SULT1E1: variants seen among roughly 807,000 people sequenced by gnomAD.
The protein encoded by SULT1E1 is sulfotransferase 1E1.
A neutral mutation model predicts 33.6 loss-of-function variants in SULT1E1; 36 were observed. That is an observed-to-expected ratio of 1.07 (90% CI 0.82 to 1.41). The LOEUF (loss-of-function observed/expected upper bound fraction) is 1.41. Ranked by LOEUF, SULT1E1 falls within the 40% of genes most tolerant of loss-of-function variation. SULT1E1 has a pLI of 0.00. For missense variants in SULT1E1, 371 were observed against 345.7 expected, an observed-to-expected ratio of 1.07 and a Z score of -0.58; for synonymous variants, 121 against 111.7, an observed-to-expected ratio of 1.08 and a Z score of -0.53.
chr4:69,841,854 AAAAGTTAAAC>A lies in SULT1E1; in HGVS notation c.*130_*139del. On this transcript the variant is annotated 3_prime_UTR_variant, in exon 8 of 8. Coordinates refer to ENST00000226444, the MANE Select transcript of SULT1E1 (RefSeq NM_005420.3). ...AGACTCTGTCTCAAAAAAAAAAAAAAAAAGTTAAACAAAAATTTAAAAAGAAAATGTCAAC... is the reference window on the plus strand; with the variant it reads ...AGACTCTGTCTCAAAAAAAAAAAAAAAAAAATTTAAAAAGAAAATGTCAAC... 7.3e-6 allele frequency: 4 copies of A among 548,888 alleles called. No homozygotes were observed. Among genetic ancestry groups the A allele is most frequent in the Admixed American group, 3.8e-5 (1 of 26,642 alleles). The allele number at this position is 548,888 out of a possible 1,614,324, so 34.0% of individuals were successfully genotyped here. A position where few individuals can be genotyped will look rare whatever the true frequency, so the allele number is the denominator to read the frequency against.
chr4:69,847,251 T>C (rs1009901124), intron 6 of SULT1E1, among the ~76,000 whole-genome samples: 1 of 151,696 alleles, frequency 6.6e-6, no homozygotes, highest in Non-Finnish European at 1.5e-5. Flanking sequence ...TTTTAATAGT[T>C]TTTGTTTCTT....
chr4:69,853,311 T>G (rs188430626), intron 4 of SULT1E1, among the ~76,000 whole-genome samples: 2 of 152,260 alleles, frequency 1.3e-5, no homozygotes, highest in African/African-American at 2.4e-5. Context: ...AAACTGACAG[T>G]GTAAACCGTC....
At chr4:69,838,460 C>T (rs920892808), downstream of SULT1E1, 2 of 152,088 alleles carry the variant, frequency 1.3e-5, no homozygotes, top group East Asian at 1.9e-4. Flanking sequence ...GAGATGTGGA[C>T]CAGAACCTTT....
At chr4:69,832,963 C>G in the SULT1E1 span, among the ~76,000 whole-genome samples, 1 of 152,192 alleles carries the variant, frequency 6.6e-6, no homozygotes, top group Non-Finnish European at 1.5e-5. Context: ...GGGCACATCC[C>G]TTTGAGCTCT....
intron 4 of SULT1E1, among the ~76,000 whole-genome samples, chr4:69,852,829 G>A (rs575893447): frequency 2.9e-4 from 44 of 152,158 alleles, no homozygotes; most frequent in African/African-American, 9.9e-4. Flanking sequence ...ATAAATGTCT[G>A]GTACCTGTTT....
the SULT1E1 span, among the ~76,000 whole-genome samples, chr4:69,826,119 A>G: frequency 1.3e-5 from 2 of 152,114 alleles, no homozygotes; most frequent in East Asian, 1.9e-4. Context: ...CAGAAACTGT[A>G]TTCTTCCTAT....
chr4:69,836,684 A>T (rs902962292), downstream of SULT1E1, among the ~76,000 whole-genome samples: 5 of 152,186 alleles, frequency 3.3e-5, no homozygotes, highest in African/African-American at 7.2e-5. Context: ...TAAATGAAAC[A>T]TATTTCAAAA....
Position 69,841,675 on chromosome 4 carries a change from A to C in SULT1E1, c.*319T>G, listed in dbSNP as rs1720887939. The C allele has an allele frequency of 3.8e-5, 7 of 183,000 alleles. No individual in the cohort carries two copies. The South Asian group carries it at 8.0e-4, about 21-fold the overall frequency. 11.3% of individuals were successfully genotyped at this position (183,000 alleles called of 1,614,324 possible). ...AATATAATAAGACCTCATCTCTACA[A>C]AAAAACATTAAAAAAATTAGCCAAA... is the stretch of plus-strand genomic sequence containing the variant. On this transcript the variant is annotated 3_prime_UTR_variant, in exon 8 of 8. Transcript: ENST00000226444.
chr4:69,847,712 C>A lies in SULT1E1; in HGVS notation c.577G>T (p.Glu193Ter). 6.2e-7 allele frequency: 1 copy of A among 1,601,908 alleles called. No homozygotes were observed. Among genetic ancestry groups the A allele is most frequent in the Non-Finnish European group, 8.5e-7 (1 of 1,173,186 alleles). Residue 193 changes from glutamate (E) to a stop codon, truncating the protein, a stop_gained, in exon 6 of 8, where the codon GAA (glutamate) becomes TAA (stop). Coordinates refer to ENST00000226444, the MANE Select transcript of SULT1E1 (RefSeq NM_005420.3). LOFTEE classifies it high-confidence loss of function. ...KSPRVLFLFY[E>*]DLKEDIRKEV... Reference sequence around the variant, plus strand: ...CAGTTCCTCACCTCTTTCAGGTCTTCGTAGAAAAGAAATAGTACACGTGGA... The same window carrying A: ...CAGTTCCTCACCTCTTTCAGGTCTTAGTAGAAAAGAAATAGTACACGTGGA...
At chr4:69,836,397 G>A (rs1382264652), downstream of SULT1E1, among the ~76,000 whole-genome samples, 2 of 152,154 alleles carry the variant, frequency 1.3e-5, no homozygotes, top group Non-Finnish European at 2.9e-5. Context: ...GACATTCTAA[G>A]GTTAAATACA....
At chr4:69,847,865 A>G in intron 5 of SULT1E1, 73 bp from the exon 6 acceptor site, 1 of 797,714 alleles carries the variant, frequency 1.3e-6, no homozygotes, top group Non-Finnish European at 2.1e-6. Context: ...TGTTCAAGCA[A>G]CAATAACAAC....
chr4:69,849,012 T>G (rs1422888996), intron 5 of SULT1E1: 1 of 152,816 alleles, frequency 6.5e-6, no homozygotes, highest in African/African-American at 2.4e-5. Flanking sequence ...CATATTCATA[T>G]AGAACCTGGC....
rs1578107632 is a variant in SULT1E1 at position 69,857,602 on chromosome 4, G to A, written c.43C>T (p.His15Tyr). ...AAATCTTTATACATTAGAATCCCATGGACTTCTTCAAACTTTTCATAATAG... is the reference window on the plus strand; with the variant it reads ...AAATCTTTATACATTAGAATCCCATAGACTTCTTCAAACTTTTCATAATAG... ...LDYYEKFEEV[H>Y]GILMYKDFVK... The change falls in exon 2 of 8, where the codon CAT becomes TAT. Residue 15 changes from histidine (H) to tyrosine (Y), a missense_variant. Transcript: ENST00000226444. 1 of 1,610,076 alleles carries A rather than the reference G, an allele frequency of 6.2e-7. No homozygotes were observed. Among genetic ancestry groups the A allele is most frequent in the South Asian group, 1.1e-5 (1 of 90,122 alleles).
At chr4:69,856,853 A>G (rs1035073323) in intron 2 of SULT1E1, among the ~76,000 whole-genome samples, 10 of 145,156 alleles carry the variant, frequency 6.9e-5, no homozygotes, top group African/African-American at 1.8e-4. Flanking sequence ...GGAGAATGGC[A>G]GGAACCCAGG....
chr4:69,855,540 G>A, intron 2 of SULT1E1, 114 bp from the exon 3 acceptor site: 2 of 1,027,336 alleles, frequency 1.9e-6, no homozygotes, highest in Non-Finnish European at 2.7e-6. Flanking sequence ...CTATTTAAAG[G>A]GTGTCTGAAT....
rs766399660 is a variant in SULT1E1 at position 69,857,486 on chromosome 4, A to G, written c.145+14T>C. ...GTTATTTTTAGGTGAAAAAAGAACA[A>G]CAAAGAGATTTACCAGATTTAGGGT... On this transcript the variant is annotated intron_variant, in intron 2 of 7. Transcript: ENST00000226444. 3.8e-6 allele frequency: 6 copies of G among 1,586,586 alleles called. No individual in the cohort carries two copies. The highest frequency in any genetic ancestry group is 5.1e-6 in the Non-Finnish European group (6 of 1,172,090).
At chr4:69,822,091 A>G in the SULT1E1 span, among the ~76,000 whole-genome samples, 1 of 152,224 alleles carries the variant, frequency 6.6e-6, no homozygotes. Flanking sequence ...AAGAACAAAC[A>G]TTTATACATT....
the SULT1E1 span, among the ~76,000 whole-genome samples, chr4:69,828,449 C>T: frequency 2.6e-5 from 4 of 152,134 alleles, no homozygotes; most frequent in Admixed American, 6.5e-5. Context: ...AGCTGTAACA[C>T]TCACTGCAAA....
the SULT1E1 span, among the ~76,000 whole-genome samples, chr4:69,822,707 T>C: frequency 6.6e-6 from 1 of 152,310 alleles, no homozygotes; most frequent in Admixed American, 6.5e-5. Flanking sequence ...CCCCATCTTG[T>C]TTTATGGTCA....
Sources: allele counts gnomAD v4.1 joint callset (sites outside exome capture counted in the v4.1 genomes callset), GRCh38; gene constraint gnomAD v4.1.1; transcripts MANE v1.5; gene names NCBI Gene and HGNC (gene_info 2026-07-23, HGNC 2026-07-21).